Variants in PDPR observed in about 807,000 individuals in gnomAD.
PDPR encodes pyruvate dehydrogenase phosphatase regulatory subunit, also known as pyruvate dehydrogenase phosphatase regulatory subunit, mitochondrial.
In PDPR, 50 loss-of-function variants were observed where a neutral mutation model predicts 102.2. The observed-to-expected ratio is 0.49, with a 90% CI of 0.39 to 0.62. PDPR has a LOEUF of 0.62. PDPR is among the 20% of genes least tolerant of loss of function. PDPR has a pLI of 0.00. For synonymous variants in PDPR, 259 were observed against 406.0 expected, an observed-to-expected ratio of 0.64 and a Z score of 4.35; for missense variants, 625 against 1,098.2, an observed-to-expected ratio of 0.57 and a Z score of 6.09.
downstream of PDPR, among the ~76,000 whole-genome samples, chr16:70,162,989 T>G (rs967831280): frequency 2.6e-5 from 4 of 152,286 alleles, no homozygotes; most frequent in African/African-American, 4.8e-5. Flanking sequence ...CTTGCTCTTT[T>G]GCCCAGGCTG....
chr16:70,145,492 C>G (rs1363460411), intron 15 of PDPR, among the ~76,000 whole-genome samples: 1 of 152,244 alleles, frequency 6.6e-6, no homozygotes, highest in Non-Finnish European at 1.5e-5. Context: ...TCACTCTCAG[C>G]AGTCTCGGCT....
At chr16:70,149,602 G>A (rs1477128465) in intron 17 of PDPR, among the ~76,000 whole-genome samples, 1 of 152,196 alleles carries the variant, frequency 6.6e-6, no homozygotes, top group Non-Finnish European at 1.5e-5. Context: ...TTTCTTTGTT[G>A]GTACCTAAAG....
chr16:70,149,384 G>C (rs1966519835), intron 17 of PDPR, among the ~76,000 whole-genome samples: 2 of 152,126 alleles, frequency 1.3e-5, no homozygotes, highest in Non-Finnish European at 1.5e-5. Flanking sequence ...TCCTGCTTCA[G>C]CCTCCCGAGT....
intron 3 of PDPR, among the ~76,000 whole-genome samples, chr16:70,126,416 C>T (rs965774592): frequency 3.3e-5 from 5 of 152,244 alleles, no homozygotes; most frequent in Admixed American, 6.5e-5. Context: ...CAGGCTGGAA[C>T]GCCGTGGCAC....
intron 17 of PDPR, among the ~76,000 whole-genome samples, chr16:70,151,903 G>T (rs906576739): frequency 2.0e-5 from 3 of 152,192 alleles, no homozygotes; most frequent in Non-Finnish European, 4.4e-5. Flanking sequence ...CGAGTAAATG[G>T]TGGGGAACTA....
chr16:70,140,758 T>A (rs916865807), intron 11 of PDPR, among the ~76,000 whole-genome samples: 4 of 152,186 alleles, frequency 2.6e-5, no homozygotes, highest in African/African-American at 9.7e-5. Context: ...GAGGTTGCAG[T>A]GAGCCAAGAT....
rs74024169 is a variant in PDPR at position 70,162,005 on chromosome 16, A to C, written c.*5126A>C. The C allele has an allele frequency of 6.6e-6, 1 of 152,380 alleles. No individual in the cohort carries two copies. Among genetic ancestry groups the C allele is most frequent in the South Asian group, 2.1e-4 (1 of 4,836 alleles). 9.4% of individuals were successfully genotyped at this position (152,380 alleles called of 1,614,324 possible). A position where few individuals can be genotyped will look rare whatever the true frequency, so the allele number is the denominator to read the frequency against. ...AAGAACTGGAGCTTAGAGCCCCACT[A>C]TTCTCTAAGCCAGGTTCTAGTGCCT... On this transcript the variant is annotated 3_prime_UTR_variant, in exon 19 of 19. Coordinates refer to ENST00000288050, the MANE Select transcript of PDPR (RefSeq NM_017990.5).
At chr16:70,133,741 G>GTT (rs371206686) in intron 9 of PDPR, among the ~76,000 whole-genome samples, 32 of 149,056 alleles carry the variant, frequency 2.1e-4, no homozygotes, top group African/African-American at 5.9e-4. Flanking sequence ...TTGTTTTTTT[G>GTT]TTTTTTTTTG....
At chr16:70,119,779 TCTC>T (rs71236441) in intron 2 of PDPR, among the ~76,000 whole-genome samples, 44,741 of 150,206 alleles carry the variant, frequency 0.3, 8,158 homozygotes, top group Non-Finnish European at 0.39. Context: ...TGATTGGTGT[TCTC>T]CTCATTCACA....
downstream of PDPR, among the ~76,000 whole-genome samples, chr16:70,163,375 G>C (rs2152132963): frequency 6.6e-6 from 1 of 152,256 alleles, no homozygotes; most frequent in African/African-American, 2.4e-5. Context: ...CCAGTTCCAG[G>C]AATAGTCAAC....
intron 9 of PDPR, among the ~76,000 whole-genome samples, chr16:70,134,224 T>C (rs1964859442): frequency 6.6e-6 from 1 of 152,192 alleles, no homozygotes; most frequent in African/African-American, 2.4e-5. Flanking sequence ...TATTTATTTA[T>C]GTATCCATTC....
chr16:70,163,216 G>A (rs1267883139), downstream of PDPR, among the ~76,000 whole-genome samples: 1 of 152,154 alleles, frequency 6.6e-6, no homozygotes, highest in Admixed American at 6.5e-5. Flanking sequence ...CCAAAGTGCT[G>A]GGATTACAGG....
At chr16:70,127,739 A>G (rs1025641409) in intron 4 of PDPR, among the ~76,000 whole-genome samples, 1 of 152,284 alleles carries the variant, frequency 6.6e-6, no homozygotes, top group Non-Finnish European at 1.5e-5. Context: ...TTTTAGGAGA[A>G]TTGTCATTGG....
At chr16:70,146,422 C>A (rs576545125) in intron 16 of PDPR, among the ~76,000 whole-genome samples, 194 bp downstream of exon 16, 4 of 148,678 alleles carry the variant, frequency 2.7e-5, no homozygotes, top group Admixed American at 6.8e-5. Context: ...AGTTTGAGAC[C>A]AGCCTGGCCA....
In PDPR at chr16:70,161,869, A is replaced by G. The variant is rs1188444796; in HGVS notation, c.*4990A>G. On this transcript the variant is annotated 3_prime_UTR_variant, in exon 19 of 19. Coordinates refer to ENST00000288050, the MANE Select transcript of PDPR (RefSeq NM_017990.5). ...CACCTGTTTTTATCCTTTGCAGACCATCTTCTGCCTTCTTATTTTCCTGTC... is the reference window on the plus strand; with the variant it reads ...CACCTGTTTTTATCCTTTGCAGACCGTCTTCTGCCTTCTTATTTTCCTGTC... The G allele has an allele frequency of 6.6e-6, 1 of 152,388 alleles. No individual in the cohort carries two copies. Among genetic ancestry groups the G allele is most frequent in the Non-Finnish European group, 1.5e-5 (1 of 68,088 alleles). The allele number at this position is 152,388 out of a possible 1,614,324, so 9.4% of individuals were successfully genotyped here.
chr16:70,127,522 G>GC, intron 4 of PDPR, 129 bp downstream of exon 4: 1 of 1,488,146 alleles, frequency 6.7e-7, no homozygotes, highest in Non-Finnish European at 9.0e-7. Context: ...GGGCATGGTG[G>GC]CTCACGCCTG....
At chr16:70,150,531 A>ATTTTTTTTTTTTTTTTTTT (rs71151175) in intron 17 of PDPR, among the ~76,000 whole-genome samples, 16 of 138,294 alleles carry the variant, frequency 1.2e-4, no homozygotes, top group Non-Finnish European at 1.4e-4. Context: ...TTTTCTCTTA[A>ATTTTTTTTTTTTTTTTTTT]TTTTTTTTTT....
Position 70,142,215 on chromosome 16 carries a change from C to G in PDPR, c.1316-19C>G, listed in dbSNP as rs1231537903. The G allele has an allele frequency of 6.2e-7, 1 of 1,612,496 alleles. No individual in the cohort carries two copies. The highest frequency in any genetic ancestry group is 1.1e-5 in the South Asian group (1 of 90,814). On this transcript the variant is annotated intron_variant, in intron 11 of 18. Coordinates refer to ENST00000288050, the MANE Select transcript of PDPR (RefSeq NM_017990.5). ...AATCTGTGTCTTGGGCTTTGATAGA[C>G]TACTCGTGTCTTTTCTAGCTTTGAT...
rs1318346030 is a variant in PDPR, at chr16:70,160,637, C to A, written c.*3758C>A. The A allele has an allele frequency of 6.5e-6, 1 of 152,770 alleles. No homozygotes were observed. Among genetic ancestry groups the A allele is most frequent in the East Asian group, 1.9e-4 (1 of 5,206 alleles). The allele number at this position is 152,770 out of a possible 1,614,324, so 9.5% of individuals were successfully genotyped here. ...GCCTTGGATCATCTCCTCATGCACACCCGGAGTTTTACCTGCTTGCTTGCT... is the reference window on the plus strand; with the variant it reads ...GCCTTGGATCATCTCCTCATGCACAACCGGAGTTTTACCTGCTTGCTTGCT... On this transcript the variant is annotated 3_prime_UTR_variant, in exon 19 of 19. Transcript: ENST00000288050.
Sources: allele counts gnomAD v4.1 joint callset (sites outside exome capture counted in the v4.1 genomes callset), GRCh38; gene constraint gnomAD v4.1.1; transcripts MANE v1.5; gene names NCBI Gene and HGNC (gene_info 2026-07-23, HGNC 2026-07-21).